The following IL20RB variants were observed in gnomAD, a reference collection of about 807,000 sequenced individuals.
IL20RB encodes interleukin 20 receptor subunit beta.
In IL20RB, 21 loss-of-function variants were observed where a neutral mutation model predicts 33.3. That is an observed-to-expected ratio of 0.63 (90% CI 0.45 to 0.91). The LOEUF is 0.91. Among genes scored for constraint, IL20RB ranks in the 40% least tolerant of loss-of-function variants. The pLI, the probability that IL20RB is intolerant of heterozygous loss-of-function variation, is 0.00. For synonymous variants in IL20RB, 147 were observed against 146.8 expected, an observed-to-expected ratio of 1.00 and a Z score of -0.01; for missense variants, 345 against 384.8, an observed-to-expected ratio of 0.90 and a Z score of 0.86.
chr3:136,971,626 A>G (rs1941488102), intron 1 of IL20RB, among the ~76,000 whole-genome samples: 1 of 152,202 alleles, frequency 6.6e-6, no homozygotes, highest in Non-Finnish European at 1.5e-5. Context: ...TTCACTTAAG[A>G]TACAGTTCAA....
chr3:136,984,447 AGC>A (rs1941854696), intron 3 of IL20RB, among the ~76,000 whole-genome samples: 2 of 151,984 alleles, frequency 1.3e-5, no homozygotes, highest in African/African-American at 4.8e-5. Flanking sequence ...ACCAGTTTAG[AGC>A]TGCAGGAAAG....
intron 1 of IL20RB, among the ~76,000 whole-genome samples, chr3:136,979,906 T>C (rs950157823): frequency 6.6e-6 from 1 of 152,236 alleles, no homozygotes; most frequent in African/African-American, 2.4e-5. Flanking sequence ...GTAGTCTGCA[T>C]TGGTTTTCCA....
rs1320306442 is a variant in IL20RB at position 136,989,536 on chromosome 3, G to T, written c.502G>T (p.Ala168Ser). ...GGGGCCCCAGTTTGAGTTCCTTGTG[G>T]CCTACTGGAGGAGGGAGCCTGGTGC... Reference protein sequence around the residue: ...DLGPQFEFLVAYWRREPGAEE... With the variant: ...DLGPQFEFLVSYWRREPGAEE... The change falls in exon 4 of 7, where the codon GCC becomes TCC. Residue 168 changes from alanine (A) to serine (S), a missense_variant. Physicochemically the swap from Ala to Ser is moderately conservative, Grantham distance 99. Transcript: ENST00000329582. 5.6e-6 allele frequency: 9 copies of T among 1,613,916 alleles called. No homozygotes were observed. Among genetic ancestry groups the T allele is most frequent in the African/African-American group, 1.3e-5 (1 of 74,910 alleles).
chr3:136,992,689 A>T (rs1380777985), intron 5 of IL20RB, among the ~76,000 whole-genome samples: 5 of 152,190 alleles, frequency 3.3e-5, no homozygotes, highest in African/African-American at 4.8e-5. Context: ...CTTTAAAAAT[A>T]GAACTATTTT....
intron 3 of IL20RB, 137 bp downstream of exon 3, chr3:136,982,487 T>A: frequency 1.8e-6 from 1 of 566,620 alleles, no homozygotes; most frequent in Non-Finnish European, 2.9e-6. Flanking sequence ...AAACAACCCT[T>A]ACTGGTATAT....
chr3:136,967,393 A>G (rs1172945546), intron 1 of IL20RB, among the ~76,000 whole-genome samples: 42 of 61,724 alleles, frequency 6.8e-4, no homozygotes, highest in Non-Finnish European at 1.1e-3. Flanking sequence ...TATTGGGTGC[A>G]TAAATATTTA....
intron 6 of IL20RB, among the ~76,000 whole-genome samples, 187 bp from the exon 7 acceptor site, chr3:137,009,926 G>A (rs930351540): frequency 6.6e-6 from 1 of 152,042 alleles, no homozygotes; most frequent in African/African-American, 2.4e-5. Flanking sequence ...GGAACTGTAG[G>A]GTAGTGAACT....
chr3:136,995,005 A>G (rs997274094), intron 5 of IL20RB, among the ~76,000 whole-genome samples: 2 of 152,128 alleles, frequency 1.3e-5, no homozygotes, highest in African/African-American at 2.4e-5. Context: ...TGTGAAACAC[A>G]CTTTGTTTTC....
At chr3:136,966,143 A>C (rs1560065061) in intron 1 of IL20RB, among the ~76,000 whole-genome samples, 2 of 142,356 alleles carry the variant, frequency 1.4e-5, no homozygotes, top group East Asian at 2.2e-4. Flanking sequence ...TCAAGGATAT[A>C]GGTCTAAGAT....
intron 5 of IL20RB, among the ~76,000 whole-genome samples, chr3:136,994,347 A>G (rs1942086805): frequency 6.6e-6 from 1 of 152,196 alleles, no homozygotes; most frequent in East Asian, 1.9e-4. Flanking sequence ...TGATGTGCTT[A>G]TTTCACATTG....
intron 6 of IL20RB, among the ~76,000 whole-genome samples, chr3:136,997,416 T>C (rs554428323): frequency 1.3e-5 from 2 of 152,236 alleles, no homozygotes; most frequent in East Asian, 3.9e-4. Flanking sequence ...TGTCAGATTT[T>C]CCTTAATGTA....
intron 3 of IL20RB, among the ~76,000 whole-genome samples, chr3:136,985,117 A>C (rs956254260): frequency 2.6e-5 from 4 of 152,328 alleles, no homozygotes; most frequent in African/African-American, 9.6e-5. Flanking sequence ...AGCTTGCTGC[A>C]GGGGCAGCTG....
At chr3:137,002,837 C>T (rs1250575126) in intron 6 of IL20RB, among the ~76,000 whole-genome samples, 1 of 152,126 alleles carries the variant, frequency 6.6e-6, no homozygotes, top group Non-Finnish European at 1.5e-5. Flanking sequence ...GTCATGAAGT[C>T]CTTGCCCATG....
At chr3:136,991,221 C>T (rs568228590) in intron 4 of IL20RB, among the ~76,000 whole-genome samples, 18 of 152,362 alleles carry the variant, frequency 1.2e-4, no homozygotes, top group Middle Eastern at 3.4e-3. Flanking sequence ...AGGGTCTCTG[C>T]ACAAATGTTA....
At chr3:136,989,848 A>G (rs549702544) in intron 4 of IL20RB, among the ~76,000 whole-genome samples, 12 of 152,224 alleles carry the variant, frequency 7.9e-5, no homozygotes, top group African/African-American at 2.4e-4. Context: ...TTGGACCACA[A>G]TATCTTTTCA....
At chr3:136,991,840 C>A (rs182361711) in intron 4 of IL20RB, 98 bp from the exon 5 acceptor site, 41 of 1,263,392 alleles carry the variant, frequency 3.2e-5, no homozygotes, top group Non-Finnish European at 4.4e-5. Context: ...GAACTCCTGA[C>A]CTCAGGTGAT....
Position 136,982,327 on chromosome 3 carries a change from A to G in IL20RB, c.383A>G (p.Lys128Arg). The G allele has an allele frequency of 6.3e-7, 1 of 1,598,848 alleles. No individual in the cohort carries two copies. Among genetic ancestry groups the G allele is most frequent in the Non-Finnish European group, 8.6e-7 (1 of 1,168,668 alleles). ...CAGACCTCAGCCTGGAGCATCCTGA[A>G]GCATCCCTTTAATAGAAACTCAAGT... ...GSQTSAWSIL[K>R]HPFNRNSTIL... The change falls in exon 3 of 7, where the codon AAG (lysine) becomes AGG (arginine). Residue 128 changes from lysine to arginine, a missense_variant. Transcript: ENST00000329582.
chr3:136,989,656 T>C (rs531907403), intron 4 of IL20RB, 91 bp downstream of exon 4: 3 of 1,423,398 alleles, frequency 2.1e-6, no homozygotes, highest in East Asian at 2.4e-5. Flanking sequence ...CCCTGCTCAC[T>C]GGGTGACCTG....
Position 136,982,300 on chromosome 3 carries a change from C to A in IL20RB, c.356C>A (p.Ser119Ter), listed in dbSNP as rs756901507. The A allele has an allele frequency of 1.2e-6, 2 of 1,609,174 alleles. No homozygotes were observed. The highest frequency in any genetic ancestry group is 2.2e-5 in the East Asian group (1 of 44,692). The part of the protein sequence containing the change: ...YNLRVRATLG[S>*]QTSAWSILKH... ...CTTCGTGTCAGGGCCACATTGGGCTCACAGACCTCAGCCTGGAGCATCCTG... is the reference window on the plus strand; with the variant it reads ...CTTCGTGTCAGGGCCACATTGGGCTAACAGACCTCAGCCTGGAGCATCCTG... Residue 119 changes from serine to a stop codon, truncating the protein, a stop_gained, in exon 3 of 7, where the codon TCA (serine) becomes TAA (stop). Coordinates refer to ENST00000329582, the MANE Select transcript of IL20RB (RefSeq NM_144717.4). LOFTEE classifies it high-confidence loss of function.
Sources: allele counts gnomAD v4.1 joint callset (sites outside exome capture counted in the v4.1 genomes callset), GRCh38; gene constraint gnomAD v4.1.1; transcripts MANE v1.5; gene names NCBI Gene and HGNC (gene_info 2026-07-23, HGNC 2026-07-21).